The following MTHFD2L variants were observed in gnomAD, a reference collection of about 807,000 sequenced individuals.
MTHFD2L encodes bifunctional methylenetetrahydrofolate dehydrogenase/cyclohydrolase 2, mitochondrial.
MTHFD2L carries 29 observed loss-of-function variants against 34.9 expected under a neutral mutation model. That is an observed-to-expected ratio of 0.83 (90% CI 0.62 to 1.13). The LOEUF is 1.13. MTHFD2L is among the 50% of genes most tolerant of loss of function. The pLI is 0.00. For missense variants in MTHFD2L, 481 were observed against 446.5 expected (o/e 1.08, Z -0.70); for synonymous variants, 167 against 155.7 (o/e 1.07, Z -0.54).
In MTHFD2L at chr4:74,281,483, G is replaced by A. The variant is rs1237420337; in HGVS notation, c.864G>A (p.Val288=). Residue 288 remains valine, a synonymous_variant, in exon 7 of 8, where the codon GTG becomes GTA. Coordinates refer to ENST00000325278, the MANE Select transcript of MTHFD2L (RefSeq NM_001144978.3). The stretch of plus-strand genomic sequence containing the variant: ...AAGAAGGTGCTGCTGTAATTGATGT[G>A]GGTATCAACTATGTCCACGATCCAG... ...MVKEGAAVID[V]GINYVHDPVT... 2 of 1,612,430 alleles carry A rather than the reference G, an allele frequency of 1.2e-6. No individual in the cohort carries two copies. Among genetic ancestry groups the A allele is most frequent in the African/African-American group, 2.7e-5 (2 of 74,794 alleles).
chr4:74,238,258 G>A (rs1339657939), intron 6 of MTHFD2L, among the ~76,000 whole-genome samples: 2 of 152,168 alleles, frequency 1.3e-5, no homozygotes, highest in Non-Finnish European at 2.9e-5. Flanking sequence ...CTGAAATAGA[G>A]CAGTTCTGAG....
At chr4:74,282,425 T>C (rs1747622514) in intron 7 of MTHFD2L, among the ~76,000 whole-genome samples, 1 of 146,408 alleles carries the variant, frequency 6.8e-6, no homozygotes, top group African/African-American at 2.8e-5. Context: ...ACAGAGAAAC[T>C]GAAAAGAATA....
At chr4:74,146,870 C>G (rs1357354270) in intron 1 of MTHFD2L, among the ~76,000 whole-genome samples, 1 of 151,804 alleles carries the variant, frequency 6.6e-6, no homozygotes, top group African/African-American at 2.4e-5. Flanking sequence ...TGTGTTTTTT[C>G]CAATAGTCTG....
chr4:74,186,097 T>A (rs906794553), intron 3 of MTHFD2L, among the ~76,000 whole-genome samples: 4 of 152,096 alleles, frequency 2.6e-5, no homozygotes, highest in African/African-American at 9.6e-5. Context: ...ACAATGTATT[T>A]TACCATATTA....
At chr4:74,284,188 A>G in intron 7 of MTHFD2L, among the ~76,000 whole-genome samples, 1 of 152,208 alleles carries the variant, frequency 6.6e-6, no homozygotes, top group East Asian at 1.9e-4. Context: ...CCACATAAAT[A>G]AACAAAATGG....
intron 7 of MTHFD2L, among the ~76,000 whole-genome samples, chr4:74,285,519 G>A (rs1748059280): frequency 6.6e-6 from 1 of 151,858 alleles, no homozygotes; most frequent in South Asian, 2.1e-4. Context: ...GTTTAATTTT[G>A]CTAGTAGTTA....
chr4:74,242,979 T>C (rs563017626), intron 6 of MTHFD2L, among the ~76,000 whole-genome samples: 1 of 152,372 alleles, frequency 6.6e-6, no homozygotes, highest in East Asian at 1.9e-4. Context: ...ATGGAGCTTA[T>C]AGTCTACTCT....
chr4:74,116,097 A>G (rs557122133), intron 2 of MTHFD2L, among the ~76,000 whole-genome samples: 1 of 152,268 alleles, frequency 6.6e-6, no homozygotes, highest in African/African-American at 2.4e-5. Context: ...AATATTCTCC[A>G]CACTAGCTCC....
At chr4:74,134,428 A>T (rs1722761990) in intron 1 of MTHFD2L, among the ~76,000 whole-genome samples, 2 of 152,132 alleles carry the variant, frequency 1.3e-5, no homozygotes, top group Non-Finnish European at 2.9e-5. Flanking sequence ...AGGTAAACAT[A>T]GGCTTATGGC....
chr4:74,268,632 A>G (rs1046769735), intron 6 of MTHFD2L, among the ~76,000 whole-genome samples: 2 of 152,196 alleles, frequency 1.3e-5, no homozygotes, highest in African/African-American at 4.8e-5. Flanking sequence ...GCTTCCTTTT[A>G]TCAGGATGGC....
intron 3 of MTHFD2L, chr4:74,194,928 G>T (rs1733212132): frequency 6.6e-6 from 1 of 152,202 alleles, no homozygotes; most frequent in Non-Finnish European, 1.5e-5. Context: ...CTGGGGGGCT[G>T]CCCAATTCGT....
chr4:74,238,544 A>C (rs986095458), intron 6 of MTHFD2L, among the ~76,000 whole-genome samples: 1 of 152,188 alleles, frequency 6.6e-6, no homozygotes, highest in Admixed American at 6.6e-5. Flanking sequence ...TGTCATCAGA[A>C]TGAACAGGCA....
At chr4:74,152,856 TA>T (rs1458582329) in intron 1 of MTHFD2L, among the ~76,000 whole-genome samples, 2 of 152,140 alleles carry the variant, frequency 1.3e-5, no homozygotes. Context: ...TAGTTTAATT[TA>T]AAACAAAAAC....
chr4:74,126,348 G>A lies in MTHFD2L; in HGVS notation c.-297+831G>A, dbSNP rs185626558. Among the ~76,000 whole-genome samples the A allele has an allele frequency of 2.6e-3, 397 of 151,962 alleles. 1 individual carries two copies. The highest frequency in any genetic ancestry group is 5.6e-3 in the East Asian group (29 of 5,168). On this transcript the variant is annotated intron_variant, in intron 1 of 7. Transcript: ENST00000433372. Reference sequence around the variant, plus strand: ...TATATGTGAACTATATATACATTTCGGAAAGATTAATAAAAAGAAGATAAT... The same window carrying A: ...TATATGTGAACTATATATACATTTCAGAAAGATTAATAAAAAGAAGATAAT...
chr4:74,252,557 A>G (rs79177365), intron 6 of MTHFD2L, among the ~76,000 whole-genome samples: 17 of 152,336 alleles, frequency 1.1e-4, no homozygotes, highest in African/African-American at 4.1e-4. Flanking sequence ...GGGTTATATA[A>G]AATTGATAAT....
At chr4:74,158,946 G>A (rs776998460) in intron 1 of MTHFD2L, among the ~76,000 whole-genome samples, 2 of 152,148 alleles carry the variant, frequency 1.3e-5, no homozygotes, top group Admixed American at 6.5e-5. Context: ...TTAACAAGAT[G>A]AAAATATATC....
intron 5 of MTHFD2L, among the ~76,000 whole-genome samples, chr4:74,223,675 A>C (rs1184114340): frequency 6.6e-6 from 1 of 152,008 alleles, no homozygotes; most frequent in East Asian, 1.9e-4. Flanking sequence ...TTTGGTCATA[A>C]TGTTCAACTT....
At chr4:74,265,170 G>A (rs1745134893) in intron 6 of MTHFD2L, among the ~76,000 whole-genome samples, 1 of 152,090 alleles carries the variant, frequency 6.6e-6, no homozygotes, top group Non-Finnish European at 1.5e-5. Flanking sequence ...ATGGTTTGGT[G>A]GGGGATTGAC....
At chr4:74,144,024 G>T (rs1005927368) in intron 1 of MTHFD2L, among the ~76,000 whole-genome samples, 19 of 152,144 alleles carry the variant, frequency 1.2e-4, no homozygotes, top group African/African-American at 4.6e-4. Context: ...GAATAAGCTG[G>T]CCATATGCCA....
Sources: gnomAD v4.1 joint callset for allele counts (sites outside exome capture counted in the v4.1 genomes callset) on GRCh38, gnomAD v4.1.1 for gene constraint, MANE v1.5 for transcripts, NCBI Gene and HGNC (gene_info 2026-07-23, HGNC 2026-07-21) for gene names.